DIAPH2: variants seen among roughly 807,000 people sequenced by gnomAD.
DIAPH2 encodes diaphanous related formin 2.
A neutral mutation model predicts 92.7 loss-of-function variants in DIAPH2; 35 were observed. That is an observed-to-expected ratio of 0.38 (90% CI 0.29 to 0.50). The LOEUF is 0.50. DIAPH2 is among the 20% of genes least tolerant of loss of function. The pLI, the probability that DIAPH2 is intolerant of heterozygous loss-of-function variation, is 0.94. For missense variants in DIAPH2, 701 were observed against 819.5 expected (o/e 0.86, Z 1.77); for synonymous variants, 301 against 280.4 (o/e 1.07, Z -0.73).
Position 96,721,063 on chromosome X carries a change from A to G in DIAPH2, c.133-14695A>G, listed in dbSNP as rs899818253. Among the ~76,000 whole-genome samples, 5 of 111,298 alleles carry G rather than the reference A, an allele frequency of 4.5e-5. No individual in the cohort carries two copies. The South Asian group carries it at 1.9e-3, about 42-fold the overall frequency. ...TGACCAAGCTAGGTCAAAGAAAATG[A>G]ATTTTTTTGCTGTTGGCTGTCTCCA... On this transcript the variant is annotated intron_variant, in intron 1 of 26. Coordinates refer to ENST00000324765, the MANE Select transcript of DIAPH2 (RefSeq NM_006729.5).
intron 26 of DIAPH2, among the ~76,000 whole-genome samples, chrX:97,481,462 A>G (rs887952233): frequency 2.7e-5 from 3 of 111,841 alleles, no homozygotes; most frequent in Non-Finnish European, 5.6e-5. Flanking sequence ...GACCAAGATG[A>G]TAAGATATCC....
At chrX:96,834,443 G>T (rs2064874821) in intron 4 of DIAPH2, among the ~76,000 whole-genome samples, 1 of 111,849 alleles carries the variant, frequency 8.9e-6, no homozygotes, top group Non-Finnish European at 1.9e-5. Context: ...GGAAATAGGT[G>T]TCATATTCTC....
chrX:96,837,906 T>C (rs370003271), intron 4 of DIAPH2, among the ~76,000 whole-genome samples: 6 of 111,942 alleles, frequency 5.4e-5, no homozygotes, highest in Admixed American at 1.9e-4. Flanking sequence ...GCTACTCTTA[T>C]AGATGTCATC....
intron 12 of DIAPH2, among the ~76,000 whole-genome samples, chrX:96,939,599 T>TACAC (rs770177584): frequency 3.3e-4 from 17 of 50,851 alleles, no homozygotes; most frequent in African/African-American, 8.5e-4. Flanking sequence ...TGTGTGTGTA[T>TACAC]ATACACACAC....
rs1040904533 is a variant in DIAPH2, at chrX:97,055,012, T to A, written c.2051-17929T>A. Among the ~76,000 whole-genome samples the A allele has an allele frequency of 4.7e-4, 52 of 110,055 alleles. 1 individual carries two copies. The highest frequency in any genetic ancestry group is 8.0e-4 in the Non-Finnish European group (42 of 52,680). On this transcript the variant is annotated intron_variant, in intron 17 of 26. Coordinates refer to ENST00000324765, the MANE Select transcript of DIAPH2 (RefSeq NM_006729.5). ...TTAATCTTTTCTTTCTTTTTAATTT[T>A]ATTTATTTATTTATTTATTTATTTG...
At chrX:97,206,351 A>G in intron 22 of DIAPH2, among the ~76,000 whole-genome samples, 1 of 112,097 alleles carries the variant, frequency 8.9e-6, no homozygotes, top group African/African-American at 3.2e-5. Context: ...AAATGAAAGT[A>G]TACACCTTTT....
intron 24 of DIAPH2, among the ~76,000 whole-genome samples, chrX:97,382,060 C>G (rs2069554813): frequency 1.8e-5 from 2 of 111,455 alleles, no homozygotes; most frequent in African/African-American, 6.5e-5. Context: ...AAAATATATA[C>G]AAGCATTAGC....
chrX:97,368,301 C>G (rs945267339), intron 24 of DIAPH2, among the ~76,000 whole-genome samples: 3 of 111,563 alleles, frequency 2.7e-5, no homozygotes, highest in Non-Finnish European at 5.6e-5. Flanking sequence ...AGTTATATCC[C>G]TTAATTCAAT....
intron 17 of DIAPH2, among the ~76,000 whole-genome samples, chrX:96,977,720 G>A (rs1026574835): frequency 9.4e-6 from 1 of 106,634 alleles, no homozygotes; most frequent in Non-Finnish European, 1.9e-5. Flanking sequence ...GTGTTGCTCT[G>A]TTGCCCAGGC....
chrX:97,245,964 G>A (rs1203312505), intron 22 of DIAPH2, among the ~76,000 whole-genome samples: 3 of 106,337 alleles, frequency 2.8e-5, no homozygotes, highest in African/African-American at 1.0e-4. Context: ...GTGCAGTGGC[G>A]GGATCTTGGC....
chrX:97,365,828 A>G (rs1172640732), intron 24 of DIAPH2, among the ~76,000 whole-genome samples: 1 of 108,755 alleles, frequency 9.2e-6, no homozygotes, highest in Non-Finnish European at 1.9e-5. Flanking sequence ...CAGCCTCCCA[A>G]GTAGCTAGGA....
chrX:96,794,337 C>A (rs2064523428), intron 4 of DIAPH2, among the ~76,000 whole-genome samples: 1 of 110,958 alleles, frequency 9.0e-6, no homozygotes, highest in Non-Finnish European at 1.9e-5. Flanking sequence ...GTGCCGAGTA[C>A]AATGCCTGAA....
At chrX:96,807,836 A>G (rs1005313735) in intron 4 of DIAPH2, among the ~76,000 whole-genome samples, 6 of 105,983 alleles carry the variant, frequency 5.7e-5, no homozygotes, top group Middle Eastern at 9.5e-3. Context: ...CCTACTGATA[A>G]GAGTAGATCA....
At chrX:97,142,295 G>A (rs1017634441) in intron 22 of DIAPH2, among the ~76,000 whole-genome samples, 9 of 111,864 alleles carry the variant, frequency 8.0e-5, no homozygotes, top group African/African-American at 2.9e-4. Context: ...TCTTGAATGG[G>A]TGGGTAAGAG....
chrX:97,360,109 T>A (rs1602534294), intron 24 of DIAPH2, among the ~76,000 whole-genome samples: 1 of 111,797 alleles, frequency 8.9e-6, no homozygotes, highest in East Asian at 2.8e-4. Flanking sequence ...TATTTTGTGC[T>A]CAAACTACTG....
intron 24 of DIAPH2, among the ~76,000 whole-genome samples, chrX:97,383,104 A>T (rs984410347): frequency 8.9e-6 from 1 of 112,506 alleles, no homozygotes; most frequent in African/African-American, 3.2e-5. Context: ...TCTAATACCA[A>T]CTACTGGAAT....
intron 23 of DIAPH2, among the ~76,000 whole-genome samples, chrX:97,335,419 GTGAGGTAGGGCT>G (rs2069049553): frequency 8.9e-6 from 1 of 111,819 alleles, no homozygotes; most frequent in Admixed American, 9.6e-5. Flanking sequence ...AGAACTGAGT[GTGAGGTAGGGCT>G]TGGGGTAGGA....
intron 26 of DIAPH2, among the ~76,000 whole-genome samples, chrX:97,475,091 T>C (rs2070593624): frequency 9.0e-6 from 1 of 111,409 alleles, no homozygotes; most frequent in African/African-American, 3.3e-5. Context: ...AAAATCTTGG[T>C]TTGTCAGCTT....
chrX:97,589,344 A>G (rs1440197685), intron 26 of DIAPH2, among the ~76,000 whole-genome samples: 2 of 101,621 alleles, frequency 2.0e-5, no homozygotes, highest in Non-Finnish European at 4.0e-5. Flanking sequence ...AAAAAGAGTC[A>G]TCCCACCATT....
Sources: allele counts gnomAD v4.1 joint callset (sites outside exome capture counted in the v4.1 genomes callset), GRCh38; gene constraint gnomAD v4.1.1; transcripts MANE v1.5; gene names NCBI Gene and HGNC (gene_info 2026-07-23, HGNC 2026-07-21).